The following GALNT18 variants were observed in gnomAD, a reference collection of about 807,000 sequenced individuals.
GALNT18 encodes the protein polypeptide N-acetylgalactosaminyltransferase 18.
Under a neutral mutation model 69.5 loss-of-function variants are expected in GALNT18, and 44 were observed. That is an observed-to-expected ratio of 0.63 (90% CI 0.50 to 0.81). The LOEUF (loss-of-function observed/expected upper bound fraction) is 0.81. Ranked by LOEUF, GALNT18 falls within the 40% of genes least tolerant of loss-of-function variation. The probability of loss-of-function intolerance (pLI) is 0.00; values close to 1 mark genes in which losing one functional copy is unlikely to be tolerated. For missense variants in GALNT18, 715 were observed against 810.0 expected, an observed-to-expected ratio of 0.88 and a Z score of 1.42; for synonymous variants, 364 against 318.2, an observed-to-expected ratio of 1.14 and a Z score of -1.53.
At chr11:11,483,673 C>T (rs189842020) in intron 1 of GALNT18, among the ~76,000 whole-genome samples, 6 of 152,224 alleles carry the variant, frequency 3.9e-5, no homozygotes, top group Admixed American at 3.9e-4. Flanking sequence ...CTGAAATCCA[C>T]ACACTCTTTC....
intron 1 of GALNT18, among the ~76,000 whole-genome samples, chr11:11,478,422 G>A (rs1856448088): frequency 6.6e-6 from 1 of 152,168 alleles, no homozygotes; most frequent in Non-Finnish European, 1.5e-5. Flanking sequence ...CAAGAAAAAG[G>A]AAGATAAGGA....
At chr11:11,472,967 G>C (rs1199299510) in intron 1 of GALNT18, among the ~76,000 whole-genome samples, 1 of 151,952 alleles carries the variant, frequency 6.6e-6, no homozygotes, top group African/African-American at 2.4e-5. Flanking sequence ...ACTCCAGCCT[G>C]GATGAAAGAG....
intron 6 of GALNT18, among the ~76,000 whole-genome samples, chr11:11,369,016 G>A (rs551179405): frequency 6.6e-6 from 1 of 152,324 alleles, no homozygotes; most frequent in South Asian, 2.1e-4. Flanking sequence ...ACAGGCCTTT[G>A]GAGTCCCAGC....
chr11:11,594,816 CATATATATATATAT>C (rs1206038267), intron 1 of GALNT18, among the ~76,000 whole-genome samples: 2 of 121,520 alleles, frequency 1.6e-5, no homozygotes, highest in South Asian at 3.1e-4. Flanking sequence ...TTATCTTGGG[CATATATATATATAT>C]ATATATATAT....
chr11:11,607,415 C>G (rs1413308989), intron 1 of GALNT18, among the ~76,000 whole-genome samples: 3 of 152,136 alleles, frequency 2.0e-5, no homozygotes, highest in Non-Finnish European at 4.4e-5. Context: ...GCAAAACCAT[C>G]CCTCAGTTTT....
In GALNT18 at chr11:11,377,650, C is replaced by T. The variant is rs556754225; in HGVS notation, c.780-271G>A. On this transcript the variant is annotated intron_variant, in intron 4 of 10. Coordinates refer to ENST00000227756, the MANE Select transcript of GALNT18 (RefSeq NM_198516.3). This position sits in a 1 kb window ranked among gnomAD's most constrained non-coding sequence, Gnocchi z 4.6. Reference sequence around the variant, plus strand: ...TATTCCAGCCAACCTTGTGCCTGCTCGCTTTCCCTTTCTCCATTAGAAAAA... The same window carrying T: ...TATTCCAGCCAACCTTGTGCCTGCTTGCTTTCCCTTTCTCCATTAGAAAAA... Among the ~76,000 whole-genome samples, 3 of 145,514 alleles carry T rather than the reference C, an allele frequency of 2.1e-5. No homozygotes were observed. The highest frequency in any genetic ancestry group is 5.1e-5 in the African/African-American group (2 of 38,938).
rs903400604 is a variant in GALNT18 at position 11,415,666 on chromosome 11, C to T, written c.595+16955G>A. 6.6e-5 allele frequency among the ~76,000 whole-genome samples: 10 copies of T among 152,142 alleles called. No homozygotes were observed. The highest frequency in any genetic ancestry group is 2.2e-4 in the African/African-American group (9 of 41,434). The stretch of plus-strand genomic sequence containing the variant: ...TCTCAATCCCTTCATCTAAAGTGGG[C>T]ATAAAAACCCTAAAACATAGAACAG... On this transcript the variant is annotated intron_variant, in intron 3 of 10. Transcript: ENST00000227756. This position sits in a 1 kb window ranked among gnomAD's most constrained non-coding sequence, Gnocchi z 4.1.
chr11:11,472,243 G>A (rs117150965), intron 1 of GALNT18, among the ~76,000 whole-genome samples: 453 of 152,312 alleles, frequency 3.0e-3, no homozygotes, highest in Middle Eastern at 0.01. Flanking sequence ...GATTTGCAGG[G>A]CCTGGTGCCA....
intron 1 of GALNT18, among the ~76,000 whole-genome samples, chr11:11,558,746 G>C (rs1056196254): frequency 4.6e-5 from 7 of 152,254 alleles, no homozygotes; most frequent in African/African-American, 1.7e-4. Context: ...GTGGGGGAAA[G>C]TGGCAACCCT....
intron 1 of GALNT18, among the ~76,000 whole-genome samples, chr11:11,532,773 G>T (rs1343351127): frequency 6.6e-6 from 1 of 152,228 alleles, no homozygotes; most frequent in African/African-American, 2.4e-5. Flanking sequence ...AGTGCTTTCT[G>T]ACTGACGCAT....
intron 9 of GALNT18, among the ~76,000 whole-genome samples, chr11:11,303,998 T>C (rs1849537842): frequency 6.6e-6 from 1 of 152,194 alleles, no homozygotes; most frequent in Non-Finnish European, 1.5e-5. Context: ...TTGGCCCAAA[T>C]GGTCTATGCT....
At chr11:11,475,690 T>C (rs1227336249) in intron 1 of GALNT18, 2 of 152,232 alleles carry the variant, frequency 1.3e-5, no homozygotes, top group Admixed American at 1.3e-4. Context: ...TGCACAGTTG[T>C]TGCACCTGCC....
In GALNT18 at chr11:11,454,472, A is replaced by G. The variant is rs534859409; in HGVS notation, c.236-5536T>C. Among the ~76,000 whole-genome samples the G allele has an allele frequency of 4.6e-4, 70 of 152,214 alleles. No individual in the cohort carries two copies. Among genetic ancestry groups the G allele is most frequent in the African/African-American group, 1.6e-3 (68 of 41,534 alleles). ...ATAGGGAGAAGGAAGATAAGGAGGGAGGCAGGGAGAGAAGGAGGCTGTGTC... is the reference window on the plus strand; with the variant it reads ...ATAGGGAGAAGGAAGATAAGGAGGGGGGCAGGGAGAGAAGGAGGCTGTGTC... On this transcript the variant is annotated intron_variant, in intron 1 of 10. Transcript: ENST00000227756. This position sits in a 1 kb window ranked among gnomAD's most constrained non-coding sequence, Gnocchi z 4.2.
In GALNT18 at chr11:11,582,215, C is replaced by T. The variant is rs945311719; in HGVS notation, c.235+39144G>A. Reference sequence around the variant, plus strand: ...CAAAGGCTCTGAAGCAGGAACAAAGCTGATGTGTTTGAGAACAGCACAAGC... The same window carrying T: ...CAAAGGCTCTGAAGCAGGAACAAAGTTGATGTGTTTGAGAACAGCACAAGC... On this transcript the variant is annotated intron_variant, in intron 1 of 10. Transcript: ENST00000227756. This position sits in a 1 kb window ranked among gnomAD's most constrained non-coding sequence, Gnocchi z 5.0. 6.6e-6 allele frequency among the ~76,000 whole-genome samples: 1 copy of T among 152,152 alleles called. No homozygotes were observed. Among genetic ancestry groups the T allele is most frequent in the African/African-American group, 2.4e-5 (1 of 41,430 alleles).
intron 6 of GALNT18, among the ~76,000 whole-genome samples, chr11:11,343,336 T>C (rs1850244418): frequency 6.6e-6 from 1 of 151,414 alleles, no homozygotes; most frequent in Non-Finnish European, 1.5e-5. Context: ...GGCAACAGAG[T>C]GAGACCCTGT....
At chr11:11,483,331 G>GAGTC (rs1278698843) in intron 1 of GALNT18, among the ~76,000 whole-genome samples, 2 of 152,144 alleles carry the variant, frequency 1.3e-5, no homozygotes, top group African/African-American at 4.8e-5. Context: ...ATGAGTCTAT[G>GAGTC]CTATGACTCT....
intron 6 of GALNT18, among the ~76,000 whole-genome samples, chr11:11,349,142 A>G (rs1564904565): frequency 6.6e-6 from 1 of 152,138 alleles, no homozygotes; most frequent in Non-Finnish European, 1.5e-5. Context: ...TTCTTGCTTC[A>G]TTTATTTTCA....
At position 11,584,336 on chromosome 11, in the gene GALNT18, C is replaced by T. The variant is rs1316084398; in HGVS notation, c.235+37023G>A. Among the ~76,000 whole-genome samples, 2 of 152,156 alleles carry T rather than the reference C, an allele frequency of 1.3e-5. No individual in the cohort carries two copies. Among genetic ancestry groups the T allele is most frequent in the Admixed American group, 6.5e-5 (1 of 15,282 alleles). ...ATAACACCTTGCAAACACAAGGGGA[C>T]AGTTTGTATTTTAAAGTCTTGGAAA... is the stretch of plus-strand genomic sequence containing the variant. On this transcript the variant is annotated intron_variant, in intron 1 of 10. Coordinates refer to ENST00000227756, the MANE Select transcript of GALNT18 (RefSeq NM_198516.3). The surrounding 1 kb of genome is among the most constrained non-coding windows in gnomAD (Gnocchi z 4.1).
chr11:11,532,007 G>C (rs1298068019), intron 1 of GALNT18, among the ~76,000 whole-genome samples: 1 of 152,140 alleles, frequency 6.6e-6, no homozygotes, highest in Non-Finnish European at 1.5e-5. Flanking sequence ...CATATGCATA[G>C]GATACACCTT....
Sources: allele counts gnomAD v4.1 joint callset (sites outside exome capture counted in the v4.1 genomes callset), GRCh38; gene constraint gnomAD v4.1.1; non-coding constraint Gnocchi (gnomAD v3.1); transcripts MANE v1.5; gene names NCBI Gene and HGNC (gene_info 2026-07-23, HGNC 2026-07-21).